Variants in ITPRID1 observed in about 807,000 individuals in gnomAD.
The protein encoded by ITPRID1 is ITPR interacting domain containing 1.
A neutral mutation model predicts 95.4 loss-of-function variants in ITPRID1; 96 were observed. That is an observed-to-expected ratio of 1.01 (90% CI 0.85 to 1.19). The LOEUF is 1.19. ITPRID1 is among the 50% of genes most tolerant of loss of function. The pLI is 0.00. For missense variants in ITPRID1, 1,339 were observed against 1,252.9 expected (o/e 1.07, Z -1.04); for synonymous variants, 510 against 453.6 (o/e 1.12, Z -1.58).
chr7:31,594,867 A>G (rs1467839026), intron 10 of ITPRID1, among the ~76,000 whole-genome samples: 1 of 151,124 alleles, frequency 6.6e-6, no homozygotes, highest in African/African-American at 2.4e-5. Context: ...AAAAAAAAAG[A>G]AAAAAAAAGG....
chr7:31,638,812 TG>T (rs1170645283), intron 10 of ITPRID1, among the ~76,000 whole-genome samples: 3 of 152,230 alleles, frequency 2.0e-5, no homozygotes, highest in Non-Finnish European at 4.4e-5. Flanking sequence ...AGACTTGCTC[TG>T]TCGCCCAGGC....
intron 10 of ITPRID1, among the ~76,000 whole-genome samples, chr7:31,633,987 T>TACCAG (rs1462819808): frequency 1.3e-5 from 2 of 152,348 alleles, no homozygotes; most frequent in East Asian, 1.9e-4. Flanking sequence ...AAGCTTTTAT[T>TACCAG]ACCAGACCAG....
At chr7:31,658,444 G>C, downstream of ITPRID1, 1 of 1,381,176 alleles carries the variant, frequency 7.2e-7, no homozygotes, top group East Asian at 2.5e-5. Flanking sequence ...AACACATGTC[G>C]AACAAAATAG....
intron 5 of ITPRID1, among the ~76,000 whole-genome samples, chr7:31,561,905 C>G (rs533057802): frequency 6.6e-6 from 1 of 152,110 alleles, no homozygotes; most frequent in African/African-American, 2.4e-5. Flanking sequence ...CCTGTAACCA[C>G]AAACACAAGA....
chr7:31,647,270 A>C (rs1790546532), intron 12 of ITPRID1, among the ~76,000 whole-genome samples: 1 of 152,258 alleles, frequency 6.6e-6, no homozygotes, highest in Non-Finnish European at 1.5e-5. Context: ...TTAGATGCCA[A>C]GTGCTAGACA....
chr7:31,536,496 T>C (rs1307195031), intron 1 of ITPRID1, among the ~76,000 whole-genome samples: 1 of 152,210 alleles, frequency 6.6e-6, no homozygotes, highest in Non-Finnish European at 1.5e-5. Context: ...CCTGTCTTAA[T>C]GATGGGTCTC....
At position 31,519,620 on chromosome 7, in the gene ITPRID1, C is replaced by CTCCA; in HGVS notation, c.-98+5501_-98+5502insCCAT. Among the ~76,000 whole-genome samples the CTCCA allele has an allele frequency of 2.4e-4, 6 of 25,268 alleles. 1 individual carries two copies. The highest frequency in any genetic ancestry group is 6.0e-3 in the East Asian group (2 of 334). 16.6% of individuals were successfully genotyped at this position (25,268 alleles called of 152,430 possible). A position where few individuals can be genotyped will look rare whatever the true frequency, so the allele number is the denominator to read the frequency against. On this transcript the variant is annotated intron_variant, in intron 1 of 14. Transcript: ENST00000615280. Reference sequence around the variant, plus strand: ...TCTCTCTCTCTCTCTCTCTCTCTCTCTATATATATATATATATATATATAT... The same window carrying CTCCA: ...TCTCTCTCTCTCTCTCTCTCTCTCTCTCCATATATATATATATATATATATATAT...
At chr7:31,565,755 A>AAAT (rs1352632769) in intron 5 of ITPRID1, among the ~76,000 whole-genome samples, 2 of 152,044 alleles carry the variant, frequency 1.3e-5, no homozygotes, top group African/African-American at 4.8e-5. Flanking sequence ...TAAAAAATAA[A>AAAT]AAAGTACAGG....
chr7:31,645,613 C>T (rs1180234448), intron 12 of ITPRID1, among the ~76,000 whole-genome samples: 1 of 152,134 alleles, frequency 6.6e-6, no homozygotes, highest in African/African-American at 2.4e-5. Flanking sequence ...CCACCCACCA[C>T]CACCATCATC....
At chr7:31,625,999 T>TA (rs1239185482) in intron 10 of ITPRID1, among the ~76,000 whole-genome samples, 9 of 152,284 alleles carry the variant, frequency 5.9e-5, no homozygotes, top group African/African-American at 1.7e-4. Context: ...CTATGACTTT[T>TA]AAAAAAACTT....
chr7:31,646,028 C>T (rs1187408147), intron 12 of ITPRID1, among the ~76,000 whole-genome samples: 1 of 152,154 alleles, frequency 6.6e-6, no homozygotes, highest in Non-Finnish European at 1.5e-5. Flanking sequence ...TTAGGTACTC[C>T]AGTTTTCACA....
intron 10 of ITPRID1, among the ~76,000 whole-genome samples, chr7:31,639,436 GTT>G (rs35965544): frequency 1.3e-5 from 2 of 151,312 alleles, no homozygotes; most frequent in African/African-American, 4.9e-5. Context: ...TTCAATTTGG[GTT>G]TTTTTTAAAT....
intron 1 of ITPRID1, among the ~76,000 whole-genome samples, chr7:31,537,517 G>A (rs548493075): frequency 6.6e-6 from 1 of 151,984 alleles, no homozygotes; most frequent in South Asian, 2.1e-4. Flanking sequence ...TGGATTTTCT[G>A]TTGTTAGGTT....
intron 10 of ITPRID1, among the ~76,000 whole-genome samples, chr7:31,628,888 A>G (rs1788738107): frequency 6.6e-6 from 1 of 152,230 alleles, no homozygotes; most frequent in Non-Finnish European, 1.5e-5. Context: ...CCAATCAACC[A>G]GTGGACTCAA....
intron 10 of ITPRID1, among the ~76,000 whole-genome samples, chr7:31,640,940 G>A (rs1789962896): frequency 1.3e-5 from 2 of 152,168 alleles, no homozygotes; most frequent in African/African-American, 4.8e-5. Flanking sequence ...ATTAAAGAGT[G>A]TGGAGTTTAT....
chr7:31,524,868 A>T lies in ITPRID1; in HGVS notation c.-98+10748A>T, dbSNP rs568403041. Among the ~76,000 whole-genome samples the T allele has an allele frequency of 1.2e-4, 19 of 152,298 alleles. No homozygotes were observed. In the South Asian group the frequency reaches 3.9e-3, roughly 32 times the overall value. ...GGAAGAATATCTTATTTTTATATCA[A>T]TGGTACCTAGAAGAGTGCTAGCTCA... is the stretch of plus-strand genomic sequence containing the variant. On this transcript the variant is annotated intron_variant, in intron 1 of 14. Transcript: ENST00000615280.
chr7:31,642,220 G>T lies in ITPRID1; in HGVS notation c.1273G>T (p.Gly425Trp), dbSNP rs970719675. ...AAATAGCTGCCAGTCTGACAGCAGC[G>T]GGTTCCTGGAGGAGCCGCTGGAACC... Reference protein sequence around the residue: ...RANSCQSDSSGFLEEPLEPLP... With the variant: ...RANSCQSDSSWFLEEPLEPLP... Residue 425 changes from glycine to tryptophan, a missense_variant, in exon 11 of 15, where the codon GGG becomes TGG. By Grantham distance (184) the Gly-to-Trp change is radical. Coordinates refer to ENST00000615280, the MANE Select transcript of ITPRID1 (RefSeq NM_001257967.3). The T allele has an allele frequency of 1.3e-6, 2 of 1,560,184 alleles. No individual in the cohort carries two copies. The highest frequency in any genetic ancestry group is 1.9e-5 in the Admixed American group (1 of 52,124).
chr7:31,623,369 A>G (rs2128182237), intron 10 of ITPRID1, among the ~76,000 whole-genome samples: 1 of 152,048 alleles, frequency 6.6e-6, no homozygotes, highest in Non-Finnish European at 1.5e-5. Flanking sequence ...AACACTGGCA[A>G]ACCGAATCCA....
chr7:31,539,667 T>A (rs959328588), intron 1 of ITPRID1, among the ~76,000 whole-genome samples: 1 of 152,204 alleles, frequency 6.6e-6, no homozygotes, highest in East Asian at 1.9e-4. Context: ...TTTGTTTTTT[T>A]TGGAGATAAA....
Sources: allele counts gnomAD v4.1 joint callset (sites outside exome capture counted in the v4.1 genomes callset), GRCh38; gene constraint gnomAD v4.1.1; transcripts MANE v1.5; gene names NCBI Gene and HGNC (gene_info 2026-07-23, HGNC 2026-07-21).